The following PDZD2 variants were observed in gnomAD, a reference collection of about 807,000 sequenced individuals.
PDZD2 encodes PDZ domain-containing protein 2.
PDZD2 carries 90 observed loss-of-function variants against 220.7 expected under a neutral mutation model. The observed-to-expected ratio is 0.41, with a 90% confidence interval of 0.34 to 0.49. The LOEUF (loss-of-function observed/expected upper bound fraction) is 0.49, where lower values mean the gene tolerates loss of function less well. PDZD2 is among the 20% of genes least tolerant of loss of function. PDZD2 has a pLI of 0.28. For missense variants in PDZD2, 3,174 were observed against 3,608.5 expected (o/e 0.88, Z 3.08); for synonymous variants, 1,375 against 1,450.5 (o/e 0.95, Z 1.18).
At chr5:31,657,873 A>G (rs1269956209) in intron 1 of PDZD2, among the ~76,000 whole-genome samples, 1 of 152,232 alleles carries the variant, frequency 6.6e-6, no homozygotes, top group Non-Finnish European at 1.5e-5. Context: ...AGAGATGTAC[A>G]GGAAAGATAA....
chr5:31,852,433 G>A lies in PDZD2; in HGVS notation c.476+52709G>A, dbSNP rs566230796. 5.3e-5 allele frequency among the ~76,000 whole-genome samples: 8 copies of A among 151,002 alleles called. No individual in the cohort carries two copies. In the South Asian group the frequency reaches 1.7e-3, roughly 32 times the overall value. On this transcript the variant is annotated intron_variant, in intron 2 of 24. Coordinates refer to ENST00000438447, the MANE Select transcript of PDZD2 (RefSeq NM_178140.4). ...GTAGAGTAGCTGGGACCACAGGCGC[G>A]TGCCATCACGCCTGGCTGATTTTTG... is the stretch of plus-strand genomic sequence containing the variant.
rs781344194 is a variant in PDZD2 at position 32,010,338 on chromosome 5, C to T, written c.1263C>T (p.Ser421=). ...TAATTGTGTCCCCATAGGAAAACTCCGCAGAGGACCTCCTCAGGTTAACAT... is the reference window on the plus strand; with the variant it reads ...TAATTGTGTCCCCATAGGAAAACTCTGCAGAGGACCTCCTCAGGTTAACAT... ...VQLVVASKEN[S]AEDLLRLTSK... The change falls in exon 6 of 25, where the codon TCC becomes TCT. Residue 421 remains serine, a synonymous_variant. Transcript: ENST00000438447. The T allele has an allele frequency of 2.9e-5, 46 of 1,600,068 alleles. No homozygotes were observed. Among genetic ancestry groups the T allele is most frequent in the South Asian group, 5.5e-5 (5 of 90,292 alleles).
chr5:31,743,604 G>T (rs548803540), intron 1 of PDZD2, among the ~76,000 whole-genome samples: 3 of 152,012 alleles, frequency 2.0e-5, no homozygotes, highest in Non-Finnish European at 4.4e-5. Context: ...TTAAATCATC[G>T]CTAGAAATAG....
rs570978335 is a variant in PDZD2 at position 31,849,109 on chromosome 5, A to C, written c.476+49385A>C. 2.6e-3 allele frequency among the ~76,000 whole-genome samples: 395 copies of C among 152,308 alleles called. 2 individuals are homozygous for C. Among genetic ancestry groups the C allele is most frequent in the Non-Finnish European group, 4.6e-3 (313 of 68,028 alleles). ...GCTGGGAAAAGATGATTATTTCCCC[A>C]GGCAATGTAAACCTGTGTACAGCTT... On this transcript the variant is annotated intron_variant, in intron 2 of 24. Transcript: ENST00000438447.
chr5:31,790,826 A>G (rs1753671946), intron 1 of PDZD2, among the ~76,000 whole-genome samples: 1 of 150,168 alleles, frequency 6.7e-6, no homozygotes, highest in Non-Finnish European at 1.5e-5. Flanking sequence ...AGCCTCCTGA[A>G]TAGCTGGGAT....
chr5:32,064,502 CA>C (rs1450120213), intron 14 of PDZD2, among the ~76,000 whole-genome samples: 1 of 152,052 alleles, frequency 6.6e-6, no homozygotes, highest in Admixed American at 6.5e-5. Context: ...CTTGGCCTCC[CA>C]AAGTGCTGGG....
chr5:31,920,242 C>T lies in PDZD2; in HGVS notation c.477-62913C>T, dbSNP rs546794980. Among the ~76,000 whole-genome samples, 99 of 152,064 alleles carry T rather than the reference C, an allele frequency of 6.5e-4. 1 individual carries two copies. In the South Asian group the frequency reaches 0.02, roughly 30 times the overall value. On this transcript the variant is annotated intron_variant, in intron 2 of 24. Transcript: ENST00000438447. ...GAGGCTATAGTGGGCTATGAGCGCG[C>T]CACTGCACTCCAGCCTTGGTAACAG...
chr5:32,010,221 T>C (rs1581268379), intron 5 of PDZD2, 109 bp from the exon 6 acceptor site: 1 of 714,932 alleles, frequency 1.4e-6, no homozygotes, highest in East Asian at 2.5e-5. Flanking sequence ...ATTTACTCCA[T>C]GTAGTCTTTG....
At chr5:31,668,496 T>C (rs557650040) in intron 1 of PDZD2, among the ~76,000 whole-genome samples, 1 of 152,358 alleles carries the variant, frequency 6.6e-6, no homozygotes, top group African/African-American at 2.4e-5. Context: ...ACAGCAGCTC[T>C]GTTGCTAATA....
chr5:32,010,440 C>A lies in PDZD2; in HGVS notation c.1365C>A (p.Asp455Glu), dbSNP rs202037278. Residue 455 changes from aspartate (D) to glutamate (E), a missense_variant, in exon 6 of 25, where the codon GAC becomes GAA. Asp to Glu is a conservative substitution (Grantham distance 45, BLOSUM62 2). This residue lies in a region of PDZD2 where 632 missense variants were observed against 708.1 expected (regional missense o/e 0.89). Coordinates refer to ENST00000438447, the MANE Select transcript of PDZD2 (RefSeq NM_178140.4). The stretch of plus-strand genomic sequence containing the variant: ...CTGATAACGAAGACCAGGAGGCAGA[C>A]GGGGAAGAGGACGAAGGAACCAGCT... Reference protein sequence around the residue: ...SWTDNEDQEADGEEDEGTSSS... With the variant: ...SWTDNEDQEAEGEEDEGTSSS... 6.2e-6 allele frequency: 10 copies of A among 1,611,934 alleles called. No individual in the cohort carries two copies. The highest frequency in any genetic ancestry group is 1.3e-5 in the African/African-American group (1 of 74,936).
intron 1 of PDZD2, among the ~76,000 whole-genome samples, chr5:31,722,080 A>G (rs1390152369): frequency 6.6e-6 from 1 of 152,132 alleles, no homozygotes; most frequent in Admixed American, 6.6e-5. Context: ...TCCATCCCCA[A>G]GCAAGGCTGC....
At chr5:31,791,389 G>A (rs561198198) in intron 1 of PDZD2, among the ~76,000 whole-genome samples, 4 of 151,706 alleles carry the variant, frequency 2.6e-5, no homozygotes, top group African/African-American at 4.8e-5. Context: ...TCAGGAGTTC[G>A]AGACCAGCCT....
chr5:31,776,626 TTTTATTTA>T (rs150070722), intron 1 of PDZD2, among the ~76,000 whole-genome samples: 2,524 of 141,080 alleles, frequency 0.018, 77 homozygotes, highest in African/African-American at 0.064. Context: ...TTATTTTTTA[TTTTATTTA>T]TTTATTTATT....
chr5:31,766,597 G>T (rs1224153028), intron 1 of PDZD2, among the ~76,000 whole-genome samples: 1 of 152,068 alleles, frequency 6.6e-6, no homozygotes, highest in Admixed American at 6.6e-5. Context: ...TCACCATGTT[G>T]CCTAGGCTGG....
intron 1 of PDZD2, among the ~76,000 whole-genome samples, chr5:31,659,526 C>G (rs1233059467): frequency 6.6e-6 from 1 of 152,090 alleles, no homozygotes; most frequent in Non-Finnish European, 1.5e-5. Context: ...GTGTCACCCC[C>G]ACTCAACTAG....
intron 2 of PDZD2, among the ~76,000 whole-genome samples, chr5:31,813,449 C>CAAAAAAAAA: frequency 1.1e-5 from 1 of 94,190 alleles, no homozygotes; most frequent in Non-Finnish European, 1.9e-5. Context: ...GACTCCGTCT[C>CAAAAAAAAA]AAAAAAAAAA....
At chr5:31,957,186 G>C (rs866041079) in intron 2 of PDZD2, among the ~76,000 whole-genome samples, 1 of 152,216 alleles carries the variant, frequency 6.6e-6, no homozygotes, top group Non-Finnish European at 1.5e-5. Context: ...ACGGGCATGA[G>C]CCACCATGCC....
chr5:31,651,638 A>T (rs1375277964), intron 1 of PDZD2, among the ~76,000 whole-genome samples: 74 of 151,356 alleles, frequency 4.9e-4, no homozygotes, highest in African/African-American at 1.8e-3. Flanking sequence ...TTATTTATTT[A>T]TTTATTTTTT....
Position 31,790,295 on chromosome 5 carries a change from A to G in PDZD2, c.-360-8594A>G, listed in dbSNP as rs186705265. 8.0e-4 allele frequency among the ~76,000 whole-genome samples: 121 copies of G among 152,152 alleles called. 2 individuals are homozygous for G. In the East Asian group the frequency reaches 9.3e-3, roughly 12 times the overall value. On this transcript the variant is annotated intron_variant, in intron 1 of 24. Coordinates refer to ENST00000438447, the MANE Select transcript of PDZD2 (RefSeq NM_178140.4). ...GTATTTTTAGTAGAGACAGGGTTTC[A>G]CCACGTTGGCCAGGATTGTCTCAGT...
Sources: allele counts gnomAD v4.1 joint callset (sites outside exome capture counted in the v4.1 genomes callset), GRCh38; gene constraint gnomAD v4.1.1; regional missense constraint gnomAD v4.1.1; transcripts MANE v1.5; gene names NCBI Gene and HGNC (gene_info 2026-07-23, HGNC 2026-07-21).